Variants in STIM1 observed in about 807,000 individuals in gnomAD.
The protein encoded by STIM1 is stromal interaction molecule 1.
In STIM1, 25 loss-of-function variants were observed where a neutral mutation model predicts 74.7. The ratio of observed to expected loss-of-function variants is 0.33; its 90% CI spans 0.24 to 0.47. The LOEUF is 0.47. Among genes scored for constraint, STIM1 ranks in the 20% least tolerant of loss-of-function variants. The pLI, the probability that STIM1 is intolerant of heterozygous loss-of-function variation, is 1.00. For synonymous variants in STIM1, 328 were observed against 348.8 expected, an observed-to-expected ratio of 0.94 and a Z score of 0.66; for missense variants, 728 against 920.8, an observed-to-expected ratio of 0.79 and a Z score of 2.71.
chr11:4,010,836 A>G (rs2959079), intron 2 of STIM1, among the ~76,000 whole-genome samples: 6 of 151,870 alleles, frequency 4.0e-5, no homozygotes, highest in South Asian at 2.1e-4. Context: ...TGTCATTTAC[A>G]TTAGGTATTT....
At chr11:3,864,645 T>C (rs1426346523) in intron 1 of STIM1, among the ~76,000 whole-genome samples, 1 of 152,218 alleles carries the variant, frequency 6.6e-6, no homozygotes, top group Non-Finnish European at 1.5e-5. Flanking sequence ...TCACTTCTTC[T>C]ATATTGTGTT....
chr11:3,882,251 C>T (rs1208748962), intron 1 of STIM1, among the ~76,000 whole-genome samples: 1 of 151,728 alleles, frequency 6.6e-6, no homozygotes, highest in African/African-American at 2.4e-5. Context: ...AGGCGTGCGC[C>T]ACCACGCCCA....
intron 3 of STIM1, among the ~76,000 whole-genome samples, chr11:4,030,837 A>G (rs2132922472): frequency 6.6e-6 from 1 of 152,338 alleles, no homozygotes; most frequent in African/African-American, 2.4e-5. Context: ...CCTGTTTAAT[A>G]TATCTTATGT....
At chr11:3,865,988 C>T (rs2090841127) in intron 1 of STIM1, among the ~76,000 whole-genome samples, 1 of 152,186 alleles carries the variant, frequency 6.6e-6, no homozygotes, top group Non-Finnish European at 1.5e-5. Context: ...GGAAATGAGC[C>T]AACAGCACTT....
intron 5 of STIM1, among the ~76,000 whole-genome samples, chr11:4,066,239 A>G (rs2094364309): frequency 6.6e-6 from 1 of 152,044 alleles, no homozygotes; most frequent in Non-Finnish European, 1.5e-5. Flanking sequence ...CTCCATGGTT[A>G]CTCTGCCCTG....
chr11:3,871,847 A>T (rs192736070), intron 1 of STIM1, among the ~76,000 whole-genome samples: 185 of 152,324 alleles, frequency 1.2e-3, no homozygotes, highest in African/African-American at 4.4e-3. Flanking sequence ...AACAGAATCT[A>T]TCTTACAAGG....
At chr11:3,933,482 A>G (rs975282726) in intron 1 of STIM1, among the ~76,000 whole-genome samples, 31 of 152,218 alleles carry the variant, frequency 2.0e-4, no homozygotes, top group African/African-American at 7.0e-4. Flanking sequence ...GTCCAACTCT[A>G]AAGTCCATGT....
Position 4,083,248 on chromosome 11 carries a change from T to C in STIM1, c.1239-15T>C. ...ACCAAGTCCATGCCTGCAGTTCTCT[T>C]TCCTCTGTCTTCAGGCAAGCACTGA... is the stretch of plus-strand genomic sequence containing the variant. On this transcript the variant is annotated splice_polypyrimidine_tract_variant and intron_variant, in intron 9 of 12. Coordinates refer to ENST00000526596, the MANE Select transcript of STIM1 (RefSeq NM_001382567.1). The C allele has an allele frequency of 6.2e-7, 1 of 1,613,560 alleles. No individual in the cohort carries two copies. Among genetic ancestry groups the C allele is most frequent in the South Asian group, 1.1e-5 (1 of 91,078 alleles).
At chr11:4,047,538 C>T (rs2133038441) in intron 3 of STIM1, among the ~76,000 whole-genome samples, 1 of 152,236 alleles carries the variant, frequency 6.6e-6, no homozygotes, top group Admixed American at 6.5e-5. Context: ...ATTACATGAA[C>T]CTGGGAGGCG....
chr11:4,089,750 T>C (rs897905448), intron 12 of STIM1, among the ~76,000 whole-genome samples: 14 of 152,224 alleles, frequency 9.2e-5, no homozygotes, highest in Admixed American at 1.3e-4. Flanking sequence ...AGGGGCCTGG[T>C]ACCCTTCCTA....
In STIM1 at chr11:3,941,585, A is replaced by ATGTGTGTGTG. The variant is rs111336047; in HGVS notation, c.140-25947_140-25938dup. ...GTATTGCCATAGAAGAAGCATATATATGTGTGTGTGTGTGTGTGTGTGTGT... is the reference window on the plus strand; with the variant it reads ...GTATTGCCATAGAAGAAGCATATATATGTGTGTGTGTGTGTGTGTGTGTGTGTGTGTGTGT... On this transcript the variant is annotated intron_variant, in intron 1 of 12. Transcript: ENST00000526596. 1.6e-3 allele frequency among the ~76,000 whole-genome samples: 219 copies of ATGTGTGTGTG among 139,650 alleles called. 2 individuals carry two copies. Among genetic ancestry groups the ATGTGTGTGTG allele is most frequent in the African/African-American group, 4.3e-3 (159 of 37,138 alleles). The allele number at this position is 139,650 out of a possible 152,430, so 91.6% of individuals were successfully genotyped here.
chr11:4,012,455 G>T (rs1179607743), intron 2 of STIM1, among the ~76,000 whole-genome samples: 1 of 152,088 alleles, frequency 6.6e-6, no homozygotes, highest in Non-Finnish European at 1.5e-5. Context: ...TTGTAAGTTG[G>T]ATTCCTAGGT....
At chr11:3,914,344 T>A (rs1387485382) in intron 1 of STIM1, among the ~76,000 whole-genome samples, 1 of 152,188 alleles carries the variant, frequency 6.6e-6, no homozygotes, top group Non-Finnish European at 1.5e-5. Context: ...TATGTGTATA[T>A]ATACATACCA....
At position 3,978,429 on chromosome 11, in the gene STIM1, T is replaced by C. The variant is rs545452559; in HGVS notation, c.270+10747T>C. On this transcript the variant is annotated intron_variant, in intron 2 of 12. Transcript: ENST00000526596. ...TCCCAAAGTGCTGGGATTACAGGTG[T>C]GAGCCACCACGCCCGGCGCCTGTGT... Among the ~76,000 whole-genome samples the C allele has an allele frequency of 2.1e-3, 318 of 149,082 alleles. 6 individuals are homozygous for C. The highest frequency in any genetic ancestry group is 7.7e-4 in the Non-Finnish European group (52 of 67,228).
At chr11:3,965,850 A>G (rs1464442749) in intron 1 of STIM1, among the ~76,000 whole-genome samples, 1 of 152,158 alleles carries the variant, frequency 6.6e-6, no homozygotes, top group East Asian at 1.9e-4. Flanking sequence ...TACTAAAAAT[A>G]CAAAAAATTA....
chr11:3,885,711 C>G (rs1447540071), intron 1 of STIM1, among the ~76,000 whole-genome samples: 1 of 152,144 alleles, frequency 6.6e-6, no homozygotes, highest in Non-Finnish European at 1.5e-5. Flanking sequence ...AATCATGGCT[C>G]ACTGTAGCCT....
rs376329167 is a variant in STIM1 at position 3,992,081 on chromosome 11, G to GCTTTTTTTT, written c.270+24399_270+24400insCTTTTTTTT. On this transcript the variant is annotated intron_variant, in intron 2 of 12. Coordinates refer to ENST00000526596, the MANE Select transcript of STIM1 (RefSeq NM_001382567.1). ...TTTCTCTGCAGCCTTGCCAACATCT[G>GCTTTTTTTT]TTTTTTTGTTTTTTTTTTTTTTTTT... 1.5e-3 allele frequency among the ~76,000 whole-genome samples: 134 copies of GCTTTTTTTT among 91,964 alleles called. 11 individuals carry two copies. Among genetic ancestry groups the GCTTTTTTTT allele is most frequent in the Middle Eastern group, 7.7e-3 (1 of 130 alleles). 60.3% of individuals were successfully genotyped at this position (91,964 alleles called of 152,430 possible).
intron 1 of STIM1, among the ~76,000 whole-genome samples, chr11:3,941,378 A>G (rs2093002728): frequency 6.6e-6 from 1 of 152,138 alleles, no homozygotes; most frequent in African/African-American, 2.4e-5. Context: ...TAGAGGAAAG[A>G]GAGTTGGCAA....
intron 2 of STIM1, among the ~76,000 whole-genome samples, chr11:3,978,736 C>T (rs1290127193): frequency 2.6e-5 from 4 of 151,996 alleles, no homozygotes; most frequent in African/African-American, 9.7e-5. Flanking sequence ...GTACTCCAGC[C>T]TGAGTGACAG....
Sources: gnomAD v4.1 joint callset for allele counts (sites outside exome capture counted in the v4.1 genomes callset) on GRCh38, gnomAD v4.1.1 for gene constraint, MANE v1.5 for transcripts, NCBI Gene and HGNC (gene_info 2026-07-23, HGNC 2026-07-21) for gene names.